Variants in SDK1 observed in about 807,000 individuals in gnomAD.
The protein encoded by SDK1 is protein sidekick-1.
A neutral mutation model predicts 245.5 loss-of-function variants in SDK1; 157 were observed. The observed-to-expected ratio is 0.64, with a 90% confidence interval of 0.56 to 0.73. The LOEUF is 0.73. Ranked by LOEUF, SDK1 falls within the 30% of genes least tolerant of loss-of-function variation. The pLI is 0.00. For missense variants in SDK1, 3,583 were observed against 3,002.3 expected (o/e 1.19, Z -4.52); for synonymous variants, 1,647 against 1,278.5 (o/e 1.29, Z -6.15).
At chr7:3,775,922 C>T (rs149733902) in intron 4 of SDK1, among the ~76,000 whole-genome samples, 3 of 152,360 alleles carry the variant, frequency 2.0e-5, no homozygotes, top group African/African-American at 7.2e-5. Context: ...TCTTGACTGT[C>T]TTTCCCACAG....
chr7:4,183,144 C>A (rs1315836271), intron 35 of SDK1, among the ~76,000 whole-genome samples: 1 of 152,172 alleles, frequency 6.6e-6, no homozygotes, highest in Non-Finnish European at 1.5e-5. Context: ...AGCGGGGCCA[C>A]AGGACCCCCT....
intron 14 of SDK1, among the ~76,000 whole-genome samples, chr7:3,997,021 AC>A (rs1784736876): frequency 6.6e-6 from 1 of 152,202 alleles, no homozygotes; most frequent in Non-Finnish European, 1.5e-5. Flanking sequence ...CATATAGCCC[AC>A]ACCTCAAACA....
chr7:3,928,632 G>C (rs73674348), intron 5 of SDK1, among the ~76,000 whole-genome samples: 4 of 151,600 alleles, frequency 2.6e-5, no homozygotes, highest in Non-Finnish European at 4.4e-5. Flanking sequence ...TTTTTTTTTG[G>C]GGGGGGTGGG....
rs79133108 is a variant in SDK1, at chr7:3,910,864, G to A, written c.848-40059G>A. On this transcript the variant is annotated intron_variant, in intron 5 of 44. Coordinates refer to ENST00000404826, the MANE Select transcript of SDK1 (RefSeq NM_152744.4). ...AATCCCCAGTTAGTCCGGATAATCGGCATTCTGTTGTATCCCATAAATGTG... is the reference window on the plus strand; with the variant it reads ...AATCCCCAGTTAGTCCGGATAATCGACATTCTGTTGTATCCCATAAATGTG... Among the ~76,000 whole-genome samples, 1,061 of 152,250 alleles carry A rather than the reference G, an allele frequency of 7.0e-3. 12 individuals are homozygous for A. Among genetic ancestry groups the A allele is most frequent in the African/African-American group, 0.024 (991 of 41,538 alleles).
chr7:3,620,637 T>C (rs1470725752), intron 2 of SDK1, among the ~76,000 whole-genome samples: 5 of 152,114 alleles, frequency 3.3e-5, no homozygotes, highest in Non-Finnish European at 1.5e-5. Context: ...TTCTAAGATT[T>C]TCTGTAAAAA....
intron 1 of SDK1, among the ~76,000 whole-genome samples, chr7:3,453,958 T>C (rs10274465): frequency 0.56 from 85,283 of 152,018 alleles, 25,354 homozygotes; most frequent in South Asian, 0.73. Context: ...TTTGATACAA[T>C]GTACGACTGG....
intron 1 of SDK1, among the ~76,000 whole-genome samples, chr7:3,466,063 G>C (rs908597250): frequency 2.6e-5 from 4 of 152,056 alleles, no homozygotes; most frequent in African/African-American, 9.7e-5. Context: ...GGGCAACTCA[G>C]CTAGGGGAGG....
At chr7:4,109,652 A>G (rs944587748) in intron 22 of SDK1, among the ~76,000 whole-genome samples, 1 of 152,170 alleles carries the variant, frequency 6.6e-6, no homozygotes, top group Non-Finnish European at 1.5e-5. Context: ...TCCAAAGATG[A>G]GCTCCAGGGC....
intron 4 of SDK1, among the ~76,000 whole-genome samples, chr7:3,799,672 T>G (rs1779057874): frequency 7.6e-6 from 1 of 132,216 alleles, no homozygotes; most frequent in African/African-American, 2.9e-5. Context: ...GCCACTGCAC[T>G]CCAGCCTGGG....
chr7:3,885,614 G>A (rs996287806), intron 5 of SDK1, among the ~76,000 whole-genome samples: 18 of 152,106 alleles, frequency 1.2e-4, no homozygotes, highest in African/African-American at 3.9e-4. Flanking sequence ...GGAGAATTTC[G>A]TGTGTCTCTG....
At chr7:3,732,729 G>T (rs1299649606) in intron 4 of SDK1, among the ~76,000 whole-genome samples, 31 of 152,228 alleles carry the variant, frequency 2.0e-4, no homozygotes, top group Non-Finnish European at 1.5e-5. Flanking sequence ...TGGTGACAGA[G>T]AGGGTACGAA....
chr7:3,763,703 A>G (rs1056096707), intron 4 of SDK1, among the ~76,000 whole-genome samples: 2 of 152,212 alleles, frequency 1.3e-5, no homozygotes, highest in African/African-American at 4.8e-5. Flanking sequence ...CCAGAATAAC[A>G]GTTACCTTTT....
chr7:3,519,189 C>T (rs1293463254), intron 1 of SDK1, among the ~76,000 whole-genome samples: 1 of 152,084 alleles, frequency 6.6e-6, no homozygotes, highest in Non-Finnish European at 1.5e-5. Flanking sequence ...TATGAAACTC[C>T]AGCTAGATAG....
chr7:3,572,588 A>G (rs552295127), intron 1 of SDK1, among the ~76,000 whole-genome samples: 9 of 152,150 alleles, frequency 5.9e-5, no homozygotes, highest in South Asian at 4.2e-4. Context: ...TGTGAGCCCA[A>G]TGCATGGTGG....
intron 4 of SDK1, among the ~76,000 whole-genome samples, chr7:3,817,689 C>A (rs1324681541): frequency 2.6e-5 from 4 of 152,142 alleles, no homozygotes; most frequent in African/African-American, 7.2e-5. Flanking sequence ...AGGTGGCCCT[C>A]CCTCCCCCAT....
At position 4,114,096 on chromosome 7, in the gene SDK1, C is replaced by T. The variant is rs752991581; in HGVS notation, c.3645C>T (p.Tyr1215=). ...NPESVGYRIK[Y]WRSDLQSSAV... ...AGTCCGTGGGCTACAGGATTAAGTA[C>T]TGGCGCTCAGACCTCCAGTCCTCAG... The change falls in exon 25 of 45, where the codon TAC becomes TAT. Residue 1215 remains tyrosine (Y), a synonymous_variant. Transcript: ENST00000404826. 1 of 1,614,116 alleles carries T rather than the reference C, an allele frequency of 6.2e-7. No individual in the cohort carries two copies.
chr7:3,587,532 C>A (rs1780729650), intron 1 of SDK1, among the ~76,000 whole-genome samples: 1 of 152,146 alleles, frequency 6.6e-6, no homozygotes, highest in African/African-American at 2.4e-5. Context: ...AGATTGATGT[C>A]CCCGACTGAG....
chr7:3,306,227 T>C (rs1779414035), intron 1 of SDK1, among the ~76,000 whole-genome samples: 1 of 152,186 alleles, frequency 6.6e-6, no homozygotes, highest in Non-Finnish European at 1.5e-5. Context: ...TTACATAATT[T>C]GGAAAATAGA....
At chr7:4,165,674 G>T (rs1781458004) in intron 32 of SDK1, among the ~76,000 whole-genome samples, 1 of 152,094 alleles carries the variant, frequency 6.6e-6, no homozygotes, top group African/African-American at 2.4e-5. Flanking sequence ...ATTTTCAGTA[G>T]AGACAGGATT....
Sources: gnomAD v4.1 joint callset for allele counts (sites outside exome capture counted in the v4.1 genomes callset) on GRCh38, gnomAD v4.1.1 for gene constraint, MANE v1.5 for transcripts, NCBI Gene and HGNC (gene_info 2026-07-23, HGNC 2026-07-21) for gene names.